Variants in HERC1 observed in about 807,000 individuals in gnomAD.
HERC1 encodes HECT and RLD domain containing E3 ubiquitin protein ligase family member 1.
Under a neutral mutation model 554.3 loss-of-function variants are expected in HERC1, and 160 were observed. That is an observed-to-expected ratio of 0.29 (90% confidence interval 0.25 to 0.33). HERC1 has a LOEUF of 0.33. Ranked by LOEUF, HERC1 falls within the 10% of genes least tolerant of loss-of-function variation. The pLI is 1.00. For synonymous variants in HERC1, 2,175 were observed against 2,131.7 expected, an observed-to-expected ratio of 1.02 and a Z score of -0.56; for missense variants, 4,919 against 5,918.5, an observed-to-expected ratio of 0.83 and a Z score of 5.54.
At chr15:63,690,998 T>C (rs2072072870) in intron 31 of HERC1, among the ~76,000 whole-genome samples, 1 of 152,144 alleles carries the variant, frequency 6.6e-6, no homozygotes, top group African/African-American at 2.4e-5. Flanking sequence ...CTCAGAGAAG[T>C]TATGTAACTT....
intron 8 of HERC1, among the ~76,000 whole-genome samples, chr15:63,750,898 C>T (rs1222728883): frequency 2.6e-5 from 4 of 152,174 alleles, no homozygotes; most frequent in African/African-American, 9.7e-5. Context: ...GTTTGTGCCA[C>T]TGTACTCCAG....
chr15:63,637,645 T>G lies in HERC1; in HGVS notation c.12094-2A>C. ...GGTACAATTCTGACCACAAATGACC[T>G]AGTATAAAAACACAGAATTAAATAT... On this transcript the variant is annotated splice_acceptor_variant, in intron 63 of 77. Coordinates refer to ENST00000443617, the MANE Select transcript of HERC1 (RefSeq NM_003922.4). LOFTEE classifies it high-confidence loss of function. 2 of 1,545,206 alleles carry G rather than the reference T, an allele frequency of 1.3e-6. No individual in the cohort carries two copies. Among genetic ancestry groups the G allele is most frequent in the Non-Finnish European group, 1.7e-6 (2 of 1,144,398 alleles).
Position 63,716,292 on chromosome 15 carries a change from G to T in HERC1, c.4150+10C>A. The T allele has an allele frequency of 6.2e-7, 1 of 1,608,570 alleles. No individual in the cohort carries two copies. The highest frequency in any genetic ancestry group is 8.5e-7 in the Non-Finnish European group (1 of 1,177,134). ...AGTTTGTATCTAGAAAGTAAGAAGG[G>T]TATACTCACTGCCAGCTGTCATCAC... On this transcript the variant is annotated intron_variant, in intron 22 of 77. Coordinates refer to ENST00000443617, the MANE Select transcript of HERC1 (RefSeq NM_003922.4).
rs1422143134 is a variant in HERC1, at chr15:63,655,873, C to A, written c.9953G>T (p.Arg3318Leu). The part of the protein sequence containing the change: ...IQRKFLPSFL[R>L]GIAEENKLVT... ...AAGCTTGTTCTCTTCAGCAATTCCT[C>A]GGAGAAAGCTGGGTAGAAACTTTCG... The change falls in exon 50 of 78, where the codon CGA (arginine) becomes CTA (leucine). Residue 3318 changes from arginine (R) to leucine (L), a missense_variant. Coordinates refer to ENST00000443617, the MANE Select transcript of HERC1 (RefSeq NM_003922.4). The A allele has an allele frequency of 6.2e-7, 1 of 1,611,282 alleles. No individual in the cohort carries two copies. The highest frequency in any genetic ancestry group is 1.3e-5 in the African/African-American group (1 of 74,884).
chr15:63,735,541 T>TTA (rs1555431452), intron 12 of HERC1, among the ~76,000 whole-genome samples: 1,423 of 125,338 alleles, frequency 0.011, 30 homozygotes, highest in African/African-American at 0.039. Context: ...ATTTAAAGTA[T>TTA]AAAAAAAAAA....
Position 63,718,748 on chromosome 15 carries a change from A to T in HERC1, c.3857+35T>A. ...ACCTAATTTCTGACATCATGAGAGCAAATATTTGTCTGAGGATAGTTTTAA... is the reference window on the plus strand; with the variant it reads ...ACCTAATTTCTGACATCATGAGAGCTAATATTTGTCTGAGGATAGTTTTAA... On this transcript the variant is annotated intron_variant, in intron 20 of 77. Coordinates refer to ENST00000443617, the MANE Select transcript of HERC1 (RefSeq NM_003922.4). This position sits in a 1 kb window ranked among gnomAD's most constrained non-coding sequence, Gnocchi z 4.2. 6.2e-7 allele frequency: 1 copy of T among 1,604,452 alleles called. No homozygotes were observed. Among genetic ancestry groups the T allele is most frequent in the Non-Finnish European group, 8.5e-7 (1 of 1,172,608 alleles).
rs188660968 is a variant in HERC1 at position 63,628,401 on chromosome 15, T to G, written c.13105+276A>C. 1.1e-3 allele frequency among the ~76,000 whole-genome samples: 172 copies of G among 152,202 alleles called. 1 individual carries two copies. Among genetic ancestry groups the G allele is most frequent in the African/African-American group, 4.1e-3 (170 of 41,528 alleles). ...CAAGACTCCATCTCAAAAAAAAACT[T>G]AGTTGCTGCTAAAATTATAAATTTT... On this transcript the variant is annotated intron_variant, in intron 70 of 77. Coordinates refer to ENST00000443617, the MANE Select transcript of HERC1 (RefSeq NM_003922.4).
At chr15:63,630,378 G>T (rs970824642) in intron 69 of HERC1, 88 bp downstream of exon 69, 3 of 1,309,320 alleles carry the variant, frequency 2.3e-6, no homozygotes, top group Non-Finnish European at 3.2e-6. Flanking sequence ...AGTAGATTAT[G>T]AATTTCCTAG....
chr15:63,767,693 C>T (rs11634705), intron 2 of HERC1, among the ~76,000 whole-genome samples: 77,439 of 151,922 alleles, frequency 0.51, 20,673 homozygotes, highest in Non-Finnish European at 0.55. Flanking sequence ...AGCGAGGCTC[C>T]GTCTCAAAAA....
chr15:63,707,033 A>G (rs774861962), intron 24 of HERC1, among the ~76,000 whole-genome samples: 1 of 152,232 alleles, frequency 6.6e-6, no homozygotes, highest in African/African-American at 2.4e-5. Context: ...TATAACTCTG[A>G]AACACTAACT....
At position 63,729,435 on chromosome 15, in the gene HERC1, A is replaced by G. The variant is rs1228672102; in HGVS notation, c.3021+62T>C. On this transcript the variant is annotated intron_variant, in intron 15 of 77. Transcript: ENST00000443617. ...TCAAGGTGTAAAAATATCATGGCCTATCCAAATATCTGAGTTTCAAGGTCC... is the reference window on the plus strand; with the variant it reads ...TCAAGGTGTAAAAATATCATGGCCTGTCCAAATATCTGAGTTTCAAGGTCC... The G allele has an allele frequency of 6.3e-6, 10 of 1,596,138 alleles. No homozygotes were observed. The South Asian group carries it at 1.0e-4, about 16-fold the overall frequency.
chr15:63,756,399 C>T lies in HERC1; in HGVS notation c.1533+38G>A, dbSNP rs373254747. 1.3e-6 allele frequency: 2 copies of T among 1,486,512 alleles called. No homozygotes were observed. Among genetic ancestry groups the T allele is most frequent in the African/African-American group, 2.8e-5 (2 of 71,408 alleles). 92.1% of individuals were successfully genotyped at this position (1,486,512 alleles called of 1,614,324 possible). ...GACATTGTCAATTACAACTCCAATG[C>T]ATCTAATTATTTTTATAACCAAAAA... On this transcript the variant is annotated intron_variant, in intron 5 of 77. Coordinates refer to ENST00000443617, the MANE Select transcript of HERC1 (RefSeq NM_003922.4). The surrounding 1 kb of genome is among the most constrained non-coding windows in gnomAD (Gnocchi z 5.0).
At chr15:63,632,622 A>G in intron 68 of HERC1, 87 bp downstream of exon 68, 1 of 852,808 alleles carries the variant, frequency 1.2e-6, no homozygotes, top group Non-Finnish European at 1.9e-6. Flanking sequence ...CAAAAAAAGG[A>G]CTCAATTTAG....
chr15:63,659,754 C>T lies in HERC1; in HGVS notation c.9406G>A (p.Glu3136Lys), dbSNP rs1248023728. ...AGTTTACCTATTTGCATCAGAGTCT[C>T]TTCCATACTGTTGGTGGCTGTGACC... ...AMVTATNSMEETLMQIGCHGS... is the reference protein window; with the variant it reads ...AMVTATNSMEKTLMQIGCHGS... Residue 3136 changes from glutamate (E) to lysine (K), a missense_variant, in exon 47 of 78, where the codon GAG becomes AAG. Glu to Lys is a moderately conservative substitution (Grantham distance 56, BLOSUM62 1). Around this residue, in one of 11 missense-constraint regions of HERC1, gnomAD observed 1,963 missense variants for 2,228.6 expected, o/e 0.88. Transcript: ENST00000443617. 2.5e-6 allele frequency: 4 copies of T among 1,613,686 alleles called. No individual in the cohort carries two copies. The highest frequency in any genetic ancestry group is 3.4e-6 in the Non-Finnish European group (4 of 1,179,578).
chr15:63,648,017 A>G, intron 55 of HERC1, 52 bp downstream of exon 55: 1 of 1,444,782 alleles, frequency 6.9e-7, no homozygotes, highest in Non-Finnish European at 9.5e-7. Context: ...TATGCATGTA[A>G]CAAAATTATA....
chr15:63,709,246 G>A lies in HERC1; in HGVS notation c.4585-2415C>T, dbSNP rs148270894. Among the ~76,000 whole-genome samples, 832 of 152,070 alleles carry A rather than the reference G, an allele frequency of 5.5e-3. 4 individuals carry two copies. The highest frequency in any genetic ancestry group is 0.02 in the Middle Eastern group (6 of 294). ...TGCTGGCTCGAACTCCTGGGCTCAAGCAATCCTCCCACCTCAGCCTCCCAA... is the reference window on the plus strand; with the variant it reads ...TGCTGGCTCGAACTCCTGGGCTCAAACAATCCTCCCACCTCAGCCTCCCAA... On this transcript the variant is annotated intron_variant, in intron 24 of 77. Coordinates refer to ENST00000443617, the MANE Select transcript of HERC1 (RefSeq NM_003922.4).
rs962460144 is a variant in HERC1, at chr15:63,683,544, G to T, written c.6226-2768C>A. 1.4e-4 allele frequency among the ~76,000 whole-genome samples: 22 copies of T among 152,298 alleles called. No individual in the cohort carries two copies. In the South Asian group the frequency reaches 4.6e-3, roughly 32 times the overall value. ...TTCTAGCCTAAGTACATATTTCTGA[G>T]TGGGTCAATCTGGACTCCAAGATTG... On this transcript the variant is annotated intron_variant, in intron 34 of 77. Coordinates refer to ENST00000443617, the MANE Select transcript of HERC1 (RefSeq NM_003922.4).
chr15:63,776,037 C>CAAA (rs34323931), intron 1 of HERC1, among the ~76,000 whole-genome samples: 1 of 131,148 alleles, frequency 7.6e-6, no homozygotes, highest in African/African-American at 2.9e-5. Flanking sequence ...GACTCCGTCT[C>CAAA]AAAAAAAAAA....
chr15:63,711,909 A>T (rs1366622364), intron 24 of HERC1, among the ~76,000 whole-genome samples: 1 of 152,232 alleles, frequency 6.6e-6, no homozygotes, highest in Non-Finnish European at 1.5e-5. Flanking sequence ...AGGAACAGCC[A>T]AATTGAAAAC....
Sources: allele counts gnomAD v4.1 joint callset (sites outside exome capture counted in the v4.1 genomes callset), GRCh38; gene constraint gnomAD v4.1.1; regional missense constraint gnomAD v4.1.1; non-coding constraint Gnocchi (gnomAD v3.1); transcripts MANE v1.5; gene names NCBI Gene and HGNC (gene_info 2026-07-23, HGNC 2026-07-21).